The following VOPP1 variants were observed in gnomAD, a reference collection of about 807,000 sequenced individuals.
VOPP1 encodes the protein VOPP1 WW domain binding protein, also known as WW domain binding protein VOPP1.
A neutral mutation model predicts 23.5 loss-of-function variants in VOPP1; 8 were observed. That is an observed-to-expected ratio of 0.34 (90% CI 0.20 to 0.61). VOPP1 has a LOEUF of 0.61. Ranked by LOEUF, VOPP1 falls within the 20% of genes least tolerant of loss-of-function variation. The pLI, the probability that VOPP1 is intolerant of heterozygous loss-of-function variation, is 0.78. For missense variants in VOPP1, 174 were observed against 238.1 expected (o/e 0.73, Z 1.77); for synonymous variants, 83 against 97.3 (o/e 0.85, Z 0.86).
intron 4 of VOPP1, among the ~76,000 whole-genome samples, chr7:55,475,555 C>G (rs1459907229): frequency 6.6e-6 from 1 of 152,162 alleles, no homozygotes; most frequent in African/African-American, 2.4e-5. Flanking sequence ...GCGACAGGCC[C>G]ACTGGTGCAG....
chr7:55,444,119 C>A (rs901536809), intron 4 of VOPP1, among the ~76,000 whole-genome samples: 10 of 152,032 alleles, frequency 6.6e-5, no homozygotes, highest in African/African-American at 2.4e-4. Context: ...TGACAGCTGC[C>A]GTACCCGGCC....
At chr7:55,482,554 C>A (rs1006350670) in intron 4 of VOPP1, among the ~76,000 whole-genome samples, 4 of 144,828 alleles carry the variant, frequency 2.8e-5, no homozygotes, top group Non-Finnish European at 5.9e-5. Flanking sequence ...GGAGGTAGGG[C>A]GGTCTCGATC....
At chr7:55,542,727 T>C (rs184955137) in intron 1 of VOPP1, among the ~76,000 whole-genome samples, 1 of 151,418 alleles carries the variant, frequency 6.6e-6, no homozygotes, top group Non-Finnish European at 1.5e-5. Flanking sequence ...GAAGCAGAGG[T>C]TGCAGTGAAC....
intron 3 of VOPP1, among the ~76,000 whole-genome samples, chr7:55,494,824 A>G (rs1314090610): frequency 6.6e-6 from 1 of 152,094 alleles, no homozygotes; most frequent in Non-Finnish European, 1.5e-5. Flanking sequence ...AAAAACAAGG[A>G]AAGAGACGAA....
chr7:55,525,705 G>A (rs1584030310), intron 1 of VOPP1, among the ~76,000 whole-genome samples: 1 of 142,250 alleles, frequency 7.0e-6, no homozygotes, highest in Admixed American at 7.6e-5. Flanking sequence ...CAAACCTCTC[G>A]AGAACAAAGG....
intron 4 of VOPP1, among the ~76,000 whole-genome samples, chr7:55,444,715 CTT>C (rs34123434): frequency 6.8e-6 from 1 of 147,562 alleles, no homozygotes; most frequent in Non-Finnish European, 1.5e-5. Flanking sequence ...CGTAGAAACT[CTT>C]TTTTTTTTTT....
chr7:55,533,087 T>G (rs1459382805), intron 1 of VOPP1, among the ~76,000 whole-genome samples: 1 of 152,164 alleles, frequency 6.6e-6, no homozygotes, highest in African/African-American at 2.4e-5. Flanking sequence ...CCAGGAGGAC[T>G]GAGAACATAT....
intron 1 of VOPP1, 142 bp downstream of exon 1, chr7:55,572,129 G>A (rs1030269851): frequency 9.1e-6 from 5 of 547,718 alleles, no homozygotes; most frequent in Non-Finnish European, 1.5e-5. Flanking sequence ...AGCTCCGGGA[G>A]GCGCGCAGGG....
rs758399939 is a variant in VOPP1 at position 55,492,351 on chromosome 7, G to C, written c.259C>G (p.Pro87Ala). The change falls in exon 4 of 5, where the codon CCC (proline) becomes GCC (alanine). Residue 87 changes from proline (P) to alanine (A), a missense_variant. Physicochemically the swap from Pro to Ala is conservative, Grantham distance 27. Coordinates refer to ENST00000285279, the MANE Select transcript of VOPP1 (RefSeq NM_030796.5). ...AGFFIRRRMYPPPLIEEPAFN... is the reference protein window; with the variant it reads ...AGFFIRRRMYAPPLIEEPAFN... ...GCTGGCTCCTCGATCAGCGGCGGGGGGTACATGCGCCTCCGGATGAAGAAG... is the reference window on the plus strand; with the variant it reads ...GCTGGCTCCTCGATCAGCGGCGGGGCGTACATGCGCCTCCGGATGAAGAAG... 17 of 1,609,002 alleles carry C rather than the reference G, an allele frequency of 1.1e-5. No individual in the cohort carries two copies. Among genetic ancestry groups the C allele is most frequent in the East Asian group, 2.2e-5 (1 of 44,676 alleles).
chr7:55,517,369 G>A (rs979361426), intron 2 of VOPP1, among the ~76,000 whole-genome samples: 3 of 151,950 alleles, frequency 2.0e-5, no homozygotes, highest in Non-Finnish European at 4.4e-5. Flanking sequence ...ACACCACAAC[G>A]CACCACAACT....
At position 55,471,810 on chromosome 7, in the gene VOPP1, C is replaced by T. The variant is rs1462399981; in HGVS notation, c.*1045G>A. On this transcript the variant is annotated 3_prime_UTR_variant, in exon 5 of 5. Transcript: ENST00000285279. ...CTCCTCCTCCTTGGAGCCCAGCACACACCCGCTTAGACCCAACACAACCTC... is the reference window on the plus strand; with the variant it reads ...CTCCTCCTCCTTGGAGCCCAGCACATACCCGCTTAGACCCAACACAACCTC... The T allele has an allele frequency of 2.0e-5, 3 of 151,898 alleles. No homozygotes were observed. Among genetic ancestry groups the T allele is most frequent in the African/African-American group, 4.8e-5 (2 of 41,340 alleles). 9.4% of individuals were successfully genotyped at this position (151,898 alleles called of 1,614,324 possible).
At chr7:55,561,669 C>G (rs1008447440) in intron 1 of VOPP1, among the ~76,000 whole-genome samples, 1 of 131,712 alleles carries the variant, frequency 7.6e-6, no homozygotes, top group East Asian at 2.3e-4. Context: ...TGCACTCCAG[C>G]CTGGGTGACA....
At chr7:55,456,718 A>G (rs1791375867) in intron 4 of VOPP1, among the ~76,000 whole-genome samples, 1 of 152,140 alleles carries the variant, frequency 6.6e-6, no homozygotes, top group South Asian at 2.1e-4. Context: ...CGAACACCGC[A>G]TGTTCTCACT....
intron 1 of VOPP1, among the ~76,000 whole-genome samples, chr7:55,564,062 A>T (rs1798072826): frequency 6.6e-6 from 1 of 152,150 alleles, no homozygotes; most frequent in African/African-American, 2.4e-5. Context: ...CAGAGATTTA[A>T]TCTAAGGGAA....
intron 4 of VOPP1, among the ~76,000 whole-genome samples, chr7:55,477,783 T>C (rs1467411483): frequency 1.3e-5 from 2 of 152,206 alleles, no homozygotes; most frequent in East Asian, 3.8e-4. Context: ...GAATAAACTG[T>C]GTACTTGTCA....
At chr7:55,497,455 C>T (rs1794035228) in intron 3 of VOPP1, among the ~76,000 whole-genome samples, 158 bp downstream of exon 3, 1 of 151,180 alleles carries the variant, frequency 6.6e-6, no homozygotes. Context: ...AACTGCCGGT[C>T]ATGAAGCCAA....
At chr7:55,441,307 CT>C (rs1339050801) in intron 4 of VOPP1, among the ~76,000 whole-genome samples, 1 of 152,190 alleles carries the variant, frequency 6.6e-6, no homozygotes, top group Admixed American at 6.5e-5. Flanking sequence ...AGCCTTGCCC[CT>C]CTCTCCGATT....
chr7:55,473,574 G>A (rs1448722114), intron 4 of VOPP1, among the ~76,000 whole-genome samples: 2 of 152,174 alleles, frequency 1.3e-5, no homozygotes, highest in African/African-American at 4.8e-5. Context: ...GGTCAGGAGC[G>A]GAGCCGCAGG....
chr7:55,487,510 T>C (rs1421622465), intron 4 of VOPP1, among the ~76,000 whole-genome samples: 1 of 152,184 alleles, frequency 6.6e-6, no homozygotes, highest in Non-Finnish European at 1.5e-5. Flanking sequence ...ACAGTGGCTA[T>C]TCACAGGCTT....
Sources: gnomAD v4.1 joint callset for allele counts (sites outside exome capture counted in the v4.1 genomes callset) on GRCh38, gnomAD v4.1.1 for gene constraint, MANE v1.5 for transcripts, NCBI Gene and HGNC (gene_info 2026-07-23, HGNC 2026-07-21) for gene names.